Variants in RETREG1 observed in about 807,000 individuals in gnomAD.
RETREG1 encodes reticulophagy regulator 1, also known as family with sequence similarity 134 member B.
Under a neutral mutation model 54.8 loss-of-function variants are expected in RETREG1, and 44 were observed. The observed-to-expected ratio is 0.80, with a 90% confidence interval of 0.63 to 1.03. The LOEUF (loss-of-function observed/expected upper bound fraction) is 1.03. Among genes scored for constraint, RETREG1 ranks in the 50% least tolerant of loss-of-function variants. The pLI is 0.00. For synonymous variants in RETREG1, 217 were observed against 238.5 expected, an observed-to-expected ratio of 0.91 and a Z score of 0.83; for missense variants, 554 against 605.1, an observed-to-expected ratio of 0.92 and a Z score of 0.89.
At position 16,508,978 on chromosome 5, in the gene RETREG1, A is replaced by C. The variant is rs955776179; in HGVS notation, c.459-25506T>G. The C allele has an allele frequency of 3.1e-5, 32 of 1,041,760 alleles. No individual in the cohort carries two copies. In the East Asian group the frequency reaches 2.3e-3, roughly 75 times the overall value. The allele number at this position is 1,041,760 out of a possible 1,614,324, so 64.5% of individuals were successfully genotyped here. A position where few individuals can be genotyped will look rare whatever the true frequency, so the allele number is the denominator to read the frequency against. On this transcript the variant is annotated intron_variant, in intron 3 of 8. Transcript: ENST00000306320. Reference sequence around the variant, plus strand: ...GTCCTGTGAGAAGGTGTCCCCGCTCAGCCAGTAACCTTCATTGGATGACTT... The same window carrying C: ...GTCCTGTGAGAAGGTGTCCCCGCTCCGCCAGTAACCTTCATTGGATGACTT...
At chr5:16,605,979 A>C (rs909513354) in intron 1 of RETREG1, among the ~76,000 whole-genome samples, 1 of 152,210 alleles carries the variant, frequency 6.6e-6, no homozygotes, top group African/African-American at 2.4e-5. Flanking sequence ...GGCAGAGAGA[A>C]AAGATTTCCT....
intron 3 of RETREG1, among the ~76,000 whole-genome samples, chr5:16,535,649 G>A (rs13161442): frequency 3.6e-4 from 50 of 139,366 alleles, no homozygotes; most frequent in African/African-American, 1.2e-3. Context: ...GTTCCTGTGT[G>A]CACGCTGCCT....
rs747832273 is a variant in RETREG1, at chr5:16,501,336, A to C, written c.459-17864T>G. ...ATTTGCAGCCAGGAGTAAAACCAGC[A>C]TTGCATGGTTCTAAAACCCATGCTC... On this transcript the variant is annotated intron_variant, in intron 3 of 8. Coordinates refer to ENST00000306320, the MANE Select transcript of RETREG1 (RefSeq NM_001034850.3). 7.2e-4 allele frequency among the ~76,000 whole-genome samples: 109 copies of C among 152,330 alleles called. 1 individual carries two copies. The highest frequency in any genetic ancestry group is 3.8e-4 in the Non-Finnish European group (26 of 68,034).
chr5:16,517,154 T>G (rs56125177), intron 3 of RETREG1, among the ~76,000 whole-genome samples: 1 of 144,718 alleles, frequency 6.9e-6, no homozygotes, highest in South Asian at 2.2e-4. Context: ...ATATATCTAA[T>G]AGGAGTCTTG....
intron 1 of RETREG1, among the ~76,000 whole-genome samples, chr5:16,580,671 A>T (rs1029931291): frequency 4.6e-5 from 7 of 152,266 alleles, no homozygotes; most frequent in Middle Eastern, 3.4e-3. Context: ...CAGAATAATT[A>T]TCATGAGGGG....
chr5:16,593,520 A>C lies in RETREG1; in HGVS notation c.321-21418T>G, dbSNP rs1742829475. On this transcript the variant is annotated intron_variant, in intron 1 of 8. Coordinates refer to ENST00000306320, the MANE Select transcript of RETREG1 (RefSeq NM_001034850.3). The surrounding 1 kb of genome is among the most constrained non-coding windows in gnomAD (Gnocchi z 4.9). ...ATGCATGTAATCAATGTAATCATTAATCATAAATTCCTTAAAGCACATTAT... is the reference window on the plus strand; with the variant it reads ...ATGCATGTAATCAATGTAATCATTACTCATAAATTCCTTAAAGCACATTAT... 2.0e-5 allele frequency among the ~76,000 whole-genome samples: 3 copies of C among 152,314 alleles called. 1 individual carries two copies. Among genetic ancestry groups the C allele is most frequent in the African/African-American group, 7.2e-5 (3 of 41,566 alleles).
rs142741232 is a variant in RETREG1, at chr5:16,594,360, G to A, written c.321-22258C>T. Among the ~76,000 whole-genome samples the A allele has an allele frequency of 3.0e-3, 458 of 152,290 alleles. 3 individuals are homozygous for A. Among genetic ancestry groups the A allele is most frequent in the African/African-American group, 0.01 (417 of 41,552 alleles). On this transcript the variant is annotated intron_variant, in intron 1 of 8. Coordinates refer to ENST00000306320, the MANE Select transcript of RETREG1 (RefSeq NM_001034850.3). The surrounding 1 kb of genome is among the most constrained non-coding windows in gnomAD (Gnocchi z 4.4). The stretch of plus-strand genomic sequence containing the variant: ...GTGACTGAATGAAAATGAGCCAAAC[G>A]TGAAATGTCATTGTTAAATATCTTT...
intron 3 of RETREG1, among the ~76,000 whole-genome samples, chr5:16,497,619 C>T (rs889768263): frequency 6.6e-6 from 1 of 152,192 alleles, no homozygotes; most frequent in Non-Finnish European, 1.5e-5. Context: ...ATCAACATCA[C>T]TGACCACTTA....
intron 3 of RETREG1, among the ~76,000 whole-genome samples, chr5:16,545,260 C>G (rs1329689678): frequency 1.3e-5 from 2 of 152,062 alleles, no homozygotes; most frequent in East Asian, 3.9e-4. Context: ...TTTGAAATTC[C>G]TAACCATACC....
In RETREG1 at chr5:16,616,792, G is replaced by C; in HGVS notation, c.180C>G (p.Ala60=). 1 of 1,528,800 alleles carries C rather than the reference G, an allele frequency of 6.5e-7. No individual in the cohort carries two copies. Among genetic ancestry groups the C allele is most frequent in the Non-Finnish European group, 8.7e-7 (1 of 1,144,414 alleles). 94.7% of individuals were successfully genotyped at this position (1,528,800 alleles called of 1,614,324 possible). The part of the protein sequence containing the change: ...AEGAGLQVEE[A]AGRAAAAVTW... ...TTACCGCGGCCGCCGCCCGGCCCGCGGCCTCCTCCACCTGCAACCCCGCGC... is the reference window on the plus strand; with the variant it reads ...TTACCGCGGCCGCCGCCCGGCCCGCCGCCTCCTCCACCTGCAACCCCGCGC... Residue 60 remains alanine (A), a synonymous_variant, in exon 1 of 9, where the codon GCC becomes GCG. Coordinates refer to ENST00000306320, the MANE Select transcript of RETREG1 (RefSeq NM_001034850.3).
intron 1 of RETREG1, among the ~76,000 whole-genome samples, chr5:16,581,556 C>CA (rs1005897915): frequency 6.9e-6 from 1 of 145,702 alleles, no homozygotes; most frequent in Non-Finnish European, 1.5e-5. Flanking sequence ...CACACACACA[C>CA]ACACACACAA....
intron 3 of RETREG1, among the ~76,000 whole-genome samples, chr5:16,523,673 G>C (rs1362134660): frequency 6.6e-6 from 1 of 152,104 alleles, no homozygotes; most frequent in African/African-American, 2.4e-5. Flanking sequence ...CACGCTCAAA[G>C]AGGGAGGGAG....
chr5:16,481,676 C>T (rs1285852551), intron 4 of RETREG1, among the ~76,000 whole-genome samples: 1 of 151,916 alleles, frequency 6.6e-6, no homozygotes, highest in East Asian at 1.9e-4. Context: ...TCAAACTGAC[C>T]CCACTTCTAA....
rs967202208 is a variant in RETREG1 at position 16,548,453 on chromosome 5, C to G, written c.458+17310G>C. Among the ~76,000 whole-genome samples, 5 of 152,070 alleles carry G rather than the reference C, an allele frequency of 3.3e-5. No individual in the cohort carries two copies. The South Asian group carries it at 1.0e-3, about 32-fold the overall frequency. ...GCAACCCAAATCTTAAAGCCAAGTC[C>G]AGCCTAAACCAGCTGAACCCCAGTT... On this transcript the variant is annotated intron_variant, in intron 3 of 8. Coordinates refer to ENST00000306320, the MANE Select transcript of RETREG1 (RefSeq NM_001034850.3).
rs1742594664 is a variant in RETREG1, at chr5:16,585,142, A to G, written c.321-13040T>C. On this transcript the variant is annotated intron_variant, in intron 1 of 8. Transcript: ENST00000306320. This position sits in a 1 kb window ranked among gnomAD's most constrained non-coding sequence, Gnocchi z 4.5. ...AGGGAAATGGTGGGTAGTAACAATCAGAGTCTGCTGCAGTGGAGGAGGGGA... is the reference window on the plus strand; with the variant it reads ...AGGGAAATGGTGGGTAGTAACAATCGGAGTCTGCTGCAGTGGAGGAGGGGA... Among the ~76,000 whole-genome samples the G allele has an allele frequency of 6.6e-6, 1 of 152,194 alleles. No individual in the cohort carries two copies. The highest frequency in any genetic ancestry group is 2.1e-4 in the South Asian group (1 of 4,830).
At chr5:16,538,435 A>T (rs1741136829) in intron 3 of RETREG1, among the ~76,000 whole-genome samples, 1 of 152,192 alleles carries the variant, frequency 6.6e-6, no homozygotes, top group African/African-American at 2.4e-5. Flanking sequence ...AAGTGAACGG[A>T]ATGCAGCCCA....
chr5:16,577,686 T>C (rs1045950056), intron 1 of RETREG1, among the ~76,000 whole-genome samples: 3 of 152,134 alleles, frequency 2.0e-5, no homozygotes, highest in African/African-American at 7.2e-5. Context: ...CATCTTGAAT[T>C]GTAGCTCTCC....
intron 3 of RETREG1, among the ~76,000 whole-genome samples, chr5:16,515,455 T>C (rs1179048947): frequency 1.3e-5 from 2 of 152,248 alleles, no homozygotes; most frequent in Non-Finnish European, 2.9e-5. Flanking sequence ...AGAATTTTTT[T>C]AGTTTTAATC....
At chr5:16,560,147 A>G (rs555368728) in intron 3 of RETREG1, among the ~76,000 whole-genome samples, 77 of 152,364 alleles carry the variant, frequency 5.1e-4, no homozygotes, top group African/African-American at 1.8e-3. Flanking sequence ...TTACCATTAC[A>G]TTCAGTGTGA....
Sources: allele counts gnomAD v4.1 joint callset (sites outside exome capture counted in the v4.1 genomes callset), GRCh38; gene constraint gnomAD v4.1.1; non-coding constraint Gnocchi (gnomAD v3.1); transcripts MANE v1.5; gene names NCBI Gene and HGNC (gene_info 2026-07-23, HGNC 2026-07-21).